RAB36: variants seen among roughly 807,000 people sequenced by gnomAD.
RAB36 encodes the protein ras-related protein Rab-36.
RAB36 carries 33 observed loss-of-function variants against 39.3 expected under a neutral mutation model. That is an observed-to-expected ratio of 0.84 (90% CI 0.64 to 1.12). The LOEUF (loss-of-function observed/expected upper bound fraction) is 1.12. Ranked by LOEUF, RAB36 falls within the 50% of genes most tolerant of loss-of-function variation. The pLI is 0.00. For missense variants in RAB36, 308 were observed against 355.3 expected (o/e 0.87, Z 1.07); for synonymous variants, 133 against 140.2 (o/e 0.95, Z 0.36).
intron 5 of RAB36, chr22:23,153,427 C>T: frequency 3.0e-6 from 1 of 332,360 alleles, no homozygotes. Flanking sequence ...GCCCTGGCTC[C>T]AGTCCCTCCC....
At chr22:23,160,354 G>A (rs566701160) in intron 9 of RAB36, among the ~76,000 whole-genome samples, 1 of 152,348 alleles carries the variant, frequency 6.6e-6, no homozygotes, top group South Asian at 2.1e-4. Context: ...GTTGCTGGCT[G>A]CACAAGGGCA....
intron 7 of RAB36, 149 bp downstream of exon 7, chr22:23,158,192 T>A (rs1313246349): frequency 6.7e-7 from 1 of 1,483,892 alleles, no homozygotes; most frequent in African/African-American, 1.4e-5. Context: ...ACGGACTACT[T>A]ACTGTCCAAC....
downstream of RAB36, among the ~76,000 whole-genome samples, chr22:23,169,113 T>C (rs2072096143): frequency 6.6e-6 from 1 of 152,098 alleles, no homozygotes; most frequent in African/African-American, 2.4e-5. Flanking sequence ...GGCAGTGGAG[T>C]TCCTGAGGAG....
At chr22:23,160,768 G>A in intron 9 of RAB36, 111 bp from the exon 10 acceptor site, 3 of 1,463,104 alleles carry the variant, frequency 2.1e-6, no homozygotes, top group Admixed American at 2.0e-5. Context: ...GGGTGCTCTA[G>A]AAAGGGCTAC....
downstream of RAB36, among the ~76,000 whole-genome samples, chr22:23,168,347 C>G (rs1358800012): frequency 6.6e-6 from 1 of 152,152 alleles, no homozygotes; most frequent in Non-Finnish European, 1.5e-5. Context: ...TGCAGAGAGA[C>G]ACAGCAACCA....
rs1569222971 is a variant in RAB36 at position 23,163,299 on chromosome 22, G to A, written c.*1735G>A. 1 of 154,496 alleles carries A rather than the reference G, an allele frequency of 6.5e-6. No homozygotes were observed. The highest frequency in any genetic ancestry group is 6.4e-5 in the Admixed American group (1 of 15,570). The allele number at this position is 154,496 out of a possible 1,614,324, so 9.6% of individuals were successfully genotyped here. A position where few individuals can be genotyped will look rare whatever the true frequency, so the allele number is the denominator to read the frequency against. ...GGCTGGCGTGCAATGGCACGATCTT[G>A]GCTCACTGCAAGCTTCCCCTTCCGG... On this transcript the variant is annotated 3_prime_UTR_variant, in exon 11 of 11. Coordinates refer to ENST00000263116, the MANE Select transcript of RAB36 (RefSeq NM_004914.5).
At chr22:23,161,299 G>A (rs571005623) in intron 10 of RAB36, among the ~76,000 whole-genome samples, 4 of 152,216 alleles carry the variant, frequency 2.6e-5, no homozygotes, top group African/African-American at 7.2e-5. Flanking sequence ...TCCTGGCCCC[G>A]GCTCTCCCAG....
chr22:23,147,709 G>C (rs766059421), intron 2 of RAB36, among the ~76,000 whole-genome samples: 2 of 152,164 alleles, frequency 1.3e-5, no homozygotes, highest in African/African-American at 4.8e-5. Flanking sequence ...ATAGGGGTTG[G>C]AGCAGTTTGT....
chr22:23,147,702 G>A (rs73878653), intron 2 of RAB36, among the ~76,000 whole-genome samples: 15 of 152,314 alleles, frequency 9.8e-5, no homozygotes, highest in African/African-American at 2.6e-4. Context: ...CATAAGGATA[G>A]GGGTTGGAGC....
rs896975796 is a variant in RAB36 at position 23,164,356 on chromosome 22, T to C, written c.*2792T>C. 7 of 152,288 alleles carry C rather than the reference T, an allele frequency of 4.6e-5. No individual in the cohort carries two copies. The highest frequency in any genetic ancestry group is 4.4e-5 in the Non-Finnish European group (3 of 68,060). 9.4% of individuals were successfully genotyped at this position (152,288 alleles called of 1,614,324 possible). ...ATCGTCCTCATATTACCTCCTGCAA[T>C]GTGCCAGCTGATTCCCACACACCCT... On this transcript the variant is annotated 3_prime_UTR_variant, in exon 11 of 11. Transcript: ENST00000263116.
chr22:23,150,958 C>T (rs890760707), intron 3 of RAB36, among the ~76,000 whole-genome samples: 9 of 152,236 alleles, frequency 5.9e-5, no homozygotes, highest in South Asian at 2.1e-4. Flanking sequence ...CTCTTCCTGC[C>T]GCGGCAGCTC....
intron 2 of RAB36, among the ~76,000 whole-genome samples, chr22:23,148,506 G>T (rs2070930336): frequency 1.3e-5 from 2 of 152,174 alleles, no homozygotes; most frequent in South Asian, 4.1e-4. Context: ...TGGCTCCAGA[G>T]CACCCTACCC....
In RAB36 at chr22:23,161,787, C is replaced by A. The variant is rs1435049164; in HGVS notation, c.*223C>A. 1 of 549,510 alleles carries A rather than the reference C, an allele frequency of 1.8e-6. No individual in the cohort carries two copies. The allele number at this position is 549,510 out of a possible 1,614,324, so 34.0% of individuals were successfully genotyped here. A position where few individuals can be genotyped will look rare whatever the true frequency, so the allele number is the denominator to read the frequency against. On this transcript the variant is annotated 3_prime_UTR_variant, in exon 11 of 11. Transcript: ENST00000263116. ...AAGGCCCCCACTGGCTGCCTGGGAG[C>A]CCCACACCACCGGGCCAGTGCAGGC...
chr22:23,161,061 C>T, intron 10 of RAB36, 63 bp downstream of exon 10: 1 of 1,533,118 alleles, frequency 6.5e-7, no homozygotes, highest in Non-Finnish European at 8.8e-7. Flanking sequence ...TCCACATGCG[C>T]CATCCTCGTC....
Position 23,161,626 on chromosome 22 carries a change from G to C in RAB36, c.*62G>C, listed in dbSNP as rs1023673449. ...CACACGGACAGGAATTTCCGTGACTGTGGTGTGGAGACTGGAGCCCAAGCT... is the reference window on the plus strand; with the variant it reads ...CACACGGACAGGAATTTCCGTGACTCTGGTGTGGAGACTGGAGCCCAAGCT... On this transcript the variant is annotated 3_prime_UTR_variant, in exon 11 of 11. Transcript: ENST00000263116. 20 of 1,418,790 alleles carry C rather than the reference G, an allele frequency of 1.4e-5. No individual in the cohort carries two copies. The Middle Eastern group carries it at 5.6e-4, about 40-fold the overall frequency. The allele number at this position is 1,418,790 out of a possible 1,614,324, so 87.9% of individuals were successfully genotyped here.
At chr22:23,150,591 G>T (rs556636452) in intron 3 of RAB36, among the ~76,000 whole-genome samples, 2 of 151,706 alleles carry the variant, frequency 1.3e-5, no homozygotes, top group Non-Finnish European at 1.5e-5. Flanking sequence ...GTGAGCCACC[G>T]TGCCCAGCCA....
intron 6 of RAB36, 60 bp downstream of exon 6, chr22:23,156,092 C>G (rs1280420301): frequency 8.1e-6 from 12 of 1,474,548 alleles, no homozygotes; most frequent in Non-Finnish European, 1.1e-5. Flanking sequence ...CTGCCGGGCT[C>G]CACAGTGGGA....
chr22:23,159,098 C>G (rs1210055181), intron 8 of RAB36, 65 bp from the exon 9 acceptor site: 6 of 1,590,934 alleles, frequency 3.8e-6, no homozygotes, highest in Non-Finnish European at 5.2e-6. Flanking sequence ...AGGCAGCTGC[C>G]TATCCCCCTG....
downstream of RAB36, among the ~76,000 whole-genome samples, chr22:23,167,636 T>G (rs542401551): frequency 3.9e-5 from 6 of 152,356 alleles, no homozygotes; most frequent in East Asian, 1.2e-3. Context: ...TCTAGGTAAC[T>G]GAATACTGAA....
Sources: gnomAD v4.1 joint callset for allele counts (sites outside exome capture counted in the v4.1 genomes callset) on GRCh38, gnomAD v4.1.1 for gene constraint, MANE v1.5 for transcripts, NCBI Gene and HGNC (gene_info 2026-07-23, HGNC 2026-07-21) for gene names.